PARD3: variants seen among roughly 807,000 people sequenced by gnomAD.
PARD3 encodes the protein par-3 family cell polarity regulator, also known as partitioning defective 3 homolog.
Under a neutral mutation model 155.4 loss-of-function variants are expected in PARD3, and 75 were observed. That is an observed-to-expected ratio of 0.48 (90% CI 0.40 to 0.58). PARD3 has a LOEUF of 0.58. Among genes scored for constraint, PARD3 ranks in the 20% least tolerant of loss-of-function variants. The pLI is 0.00. For missense variants in PARD3, 1,642 were observed against 1,721.7 expected, an observed-to-expected ratio of 0.95 and a Z score of 0.82; for synonymous variants, 576 against 610.5, an observed-to-expected ratio of 0.94 and a Z score of 0.83.
intron 2 of PARD3, among the ~76,000 whole-genome samples, chr10:34,518,542 C>T (rs955303243): frequency 1.3e-5 from 2 of 152,252 alleles, no homozygotes; most frequent in African/African-American, 2.4e-5. Flanking sequence ...ATGGACAAAG[C>T]GGAGACAACT....
intron 1 of PARD3, among the ~76,000 whole-genome samples, chr10:34,698,901 T>A (rs1319422420): frequency 6.6e-6 from 1 of 152,242 alleles, no homozygotes; most frequent in Non-Finnish European, 1.5e-5. Context: ...AAATTGTCTA[T>A]ACTTGCTTCA....
chr10:34,206,139 G>A (rs986387683), intron 22 of PARD3, among the ~76,000 whole-genome samples: 1 of 152,234 alleles, frequency 6.6e-6, no homozygotes, highest in African/African-American at 2.4e-5. Context: ...GTCCATGGAA[G>A]GGAGGAGAGG....
intron 2 of PARD3, among the ~76,000 whole-genome samples, chr10:34,549,119 T>C (rs1282217926): frequency 6.6e-6 from 1 of 152,216 alleles, no homozygotes; most frequent in African/African-American, 2.4e-5. Flanking sequence ...TGTTTCTTCA[T>C]ACAATTGTGA....
At chr10:34,526,935 T>C (rs764622422) in intron 2 of PARD3, among the ~76,000 whole-genome samples, 4 of 152,196 alleles carry the variant, frequency 2.6e-5, no homozygotes, top group Non-Finnish European at 4.4e-5. Flanking sequence ...ATTCCATTGT[T>C]GAACTTGTAA....
intron 1 of PARD3, among the ~76,000 whole-genome samples, chr10:34,771,852 A>G (rs973833045): frequency 4.6e-5 from 7 of 152,228 alleles, no homozygotes; most frequent in Admixed American, 1.3e-4. Context: ...CTTCAGAGGA[A>G]TACAGCAAGT....
intron 20 of PARD3, chr10:34,312,474 G>T (rs1957755090): frequency 1.6e-6 from 2 of 1,224,378 alleles, no homozygotes; most frequent in Non-Finnish European, 2.4e-6. Context: ...TGCCTAAGAT[G>T]TATAATCCAA....
chr10:34,682,011 C>T (rs2093852123), intron 2 of PARD3, among the ~76,000 whole-genome samples: 1 of 151,456 alleles, frequency 6.6e-6, no homozygotes, highest in Non-Finnish European at 1.5e-5. Flanking sequence ...TAGAATGGAA[C>T]AGATGCTCAA....
chr10:34,681,548 T>A (rs1396630935), intron 2 of PARD3, among the ~76,000 whole-genome samples: 2 of 150,864 alleles, frequency 1.3e-5, no homozygotes, highest in African/African-American at 4.9e-5. Flanking sequence ...AAAAAAAGGA[T>A]ACAAAACTTT....
At chr10:34,243,733 C>T (rs562427967) in intron 22 of PARD3, among the ~76,000 whole-genome samples, 14 of 152,046 alleles carry the variant, frequency 9.2e-5, no homozygotes, top group Non-Finnish European at 1.6e-4. Flanking sequence ...TTGCTTGAAC[C>T]CAGGAGGCGG....
intron 22 of PARD3, among the ~76,000 whole-genome samples, chr10:34,158,831 C>G (rs943855568): frequency 1.3e-5 from 2 of 152,090 alleles, no homozygotes; most frequent in Admixed American, 6.6e-5. Context: ...AGCTAAAGAG[C>G]CAAATGTGGC....
At chr10:34,779,374 C>T (rs1839981797) in intron 1 of PARD3, among the ~76,000 whole-genome samples, 2 of 151,930 alleles carry the variant, frequency 1.3e-5, no homozygotes, top group African/African-American at 4.8e-5. Context: ...CTTTGGGAGG[C>T]CGAGGCCCAG....
intron 2 of PARD3, among the ~76,000 whole-genome samples, chr10:34,586,141 C>T (rs1289470528): frequency 6.6e-6 from 1 of 151,846 alleles, no homozygotes; most frequent in Non-Finnish European, 1.5e-5. Context: ...TCAGTCCCAA[C>T]TGATGGATAT....
intron 22 of PARD3, among the ~76,000 whole-genome samples, chr10:34,186,941 G>C (rs1213406489): frequency 2.0e-5 from 3 of 152,124 alleles, no homozygotes; most frequent in Admixed American, 6.5e-5. Context: ...AATGCCTACT[G>C]AATTCGCTCC....
intron 1 of PARD3, among the ~76,000 whole-genome samples, chr10:34,746,285 T>C (rs1038686995): frequency 3.0e-5 from 4 of 134,986 alleles, no homozygotes; most frequent in East Asian, 2.1e-4. Context: ...TCTACAAAAT[T>C]AAAAAAAAAA....
chr10:34,358,688 G>A lies in PARD3; in HGVS notation c.2067+459C>T, dbSNP rs140768689. Reference sequence around the variant, plus strand: ...AGCATGGTCAACACAGTGAGATCCTGTCTCAAATAAAAAAGAAAGGACAGG... The same window carrying A: ...AGCATGGTCAACACAGTGAGATCCTATCTCAAATAAAAAAGAAAGGACAGG... On this transcript the variant is annotated intron_variant, in intron 14 of 24. Transcript: ENST00000374788. Among the ~76,000 whole-genome samples, 421 of 152,240 alleles carry A rather than the reference G, an allele frequency of 2.8e-3. 3 individuals are homozygous for A. Among genetic ancestry groups the A allele is most frequent in the African/African-American group, 9.6e-3 (398 of 41,542 alleles).
intron 1 of PARD3, among the ~76,000 whole-genome samples, chr10:34,801,118 A>G (rs1453716263): frequency 6.6e-6 from 1 of 152,240 alleles, no homozygotes. Context: ...TTAGCAAAGC[A>G]CAAAAACAAA....
intron 2 of PARD3, among the ~76,000 whole-genome samples, chr10:34,679,336 A>T (rs887035644): frequency 1.3e-5 from 2 of 152,112 alleles, no homozygotes; most frequent in African/African-American, 4.8e-5. Context: ...TAGTTTGTCA[A>T]GAGTAAAACA....
intron 20 of PARD3, among the ~76,000 whole-genome samples, chr10:34,285,853 CACT>C (rs936281381): frequency 2.6e-5 from 4 of 151,972 alleles, no homozygotes; most frequent in Non-Finnish European, 5.9e-5. Context: ...ACACCACCAC[CACT>C]ACTTTAAAAA....
intron 20 of PARD3, among the ~76,000 whole-genome samples, chr10:34,288,580 C>T (rs1010108414): frequency 1.3e-5 from 2 of 152,160 alleles, no homozygotes; most frequent in Non-Finnish European, 2.9e-5. Context: ...AAAATTTCAC[C>T]TATACATATA....
Sources: gnomAD v4.1 joint callset for allele counts (sites outside exome capture counted in the v4.1 genomes callset) on GRCh38, gnomAD v4.1.1 for gene constraint, MANE v1.5 for transcripts, NCBI Gene and HGNC (gene_info 2026-07-23, HGNC 2026-07-21) for gene names.